NEMP2: variants seen among roughly 807,000 people sequenced by gnomAD.
NEMP2 encodes the protein nuclear envelope integral membrane protein 2, also known as UPF0571 transmembrane protein.
A neutral mutation model predicts 54.2 loss-of-function variants in NEMP2; 53 were observed. That is an observed-to-expected ratio of 0.98 (90% CI 0.78 to 1.23). NEMP2 has a LOEUF of 1.23. Ranked by LOEUF, NEMP2 falls within the 50% of genes most tolerant of loss-of-function variation. The probability of loss-of-function intolerance (pLI) is 0.00; values close to 1 mark genes in which losing one functional copy is unlikely to be tolerated. For missense variants in NEMP2, 455 were observed against 511.3 expected, an observed-to-expected ratio of 0.89 and a Z score of 1.06; for synonymous variants, 197 against 190.3, an observed-to-expected ratio of 1.04 and a Z score of -0.29.
the NEMP2 span, among the ~76,000 whole-genome samples, chr2:190,566,725 A>C: frequency 8.1e-6 from 1 of 123,210 alleles, no homozygotes; most frequent in South Asian, 2.3e-4. Context: ...AAAGAAAGAA[A>C]GAAGGAAAGA....
the NEMP2 span, among the ~76,000 whole-genome samples, chr2:190,450,847 T>A: frequency 6.6e-6 from 1 of 152,204 alleles, no homozygotes; most frequent in South Asian, 2.1e-4. Flanking sequence ...GCTCTGACAT[T>A]ATTGAAAAGA....
chr2:190,443,236 G>C, the NEMP2 span, among the ~76,000 whole-genome samples: 1 of 152,140 alleles, frequency 6.6e-6, no homozygotes, highest in Non-Finnish European at 1.5e-5. This position sits in a 1 kb window ranked among gnomAD's most constrained non-coding sequence, Gnocchi z 4.2. Context: ...TGGTGGTTAC[G>C]AGCAGAGGCT....
chr2:190,444,646 C>T, the NEMP2 span, among the ~76,000 whole-genome samples: 2 of 152,088 alleles, frequency 1.3e-5, no homozygotes, highest in Non-Finnish European at 2.9e-5. Context: ...AAAACCATGG[C>T]AAAGCACTAA....
the NEMP2 span, chr2:190,437,259 G>C: frequency 6.2e-7 from 1 of 1,614,202 alleles, no homozygotes; most frequent in East Asian, 2.2e-5. This position sits in a 1 kb window ranked among gnomAD's most constrained non-coding sequence, Gnocchi z 5.9. Context: ...AGATCCCGCA[G>C]GTGGAAAGGA....
At chr2:190,549,361 G>T in the NEMP2 span, among the ~76,000 whole-genome samples, 2 of 152,180 alleles carry the variant, frequency 1.3e-5, no homozygotes, top group East Asian at 3.8e-4. Flanking sequence ...CAAATTCCGT[G>T]ATTTCTTTTT....
the NEMP2 span, among the ~76,000 whole-genome samples, chr2:190,596,100 G>A: frequency 6.6e-6 from 1 of 152,078 alleles, no homozygotes; most frequent in African/African-American, 2.4e-5. The surrounding 1 kb of genome is among the most constrained non-coding windows in gnomAD (Gnocchi z 5.1). Context: ...TCTTTTGTAG[G>A]GACATGAATG....
At chr2:190,590,025 C>T in the NEMP2 span, among the ~76,000 whole-genome samples, 3 of 152,128 alleles carry the variant, frequency 2.0e-5, no homozygotes, top group Admixed American at 2.0e-4. The surrounding 1 kb of genome is among the most constrained non-coding windows in gnomAD (Gnocchi z 5.1). Context: ...CTGCCTGGGT[C>T]CATCACCATA....
chr2:190,638,115 G>A, the NEMP2 span, among the ~76,000 whole-genome samples: 1 of 152,180 alleles, frequency 6.6e-6, no homozygotes, highest in Non-Finnish European at 1.5e-5. This position sits in a 1 kb window ranked among gnomAD's most constrained non-coding sequence, Gnocchi z 5.7. Context: ...AGCCTACAGA[G>A]CAAGGAGTAA....
downstream of NEMP2, chr2:190,499,771 T>C: frequency 6.9e-7 from 1 of 1,454,272 alleles, no homozygotes; most frequent in Non-Finnish European, 9.2e-7. This position sits in a 1 kb window ranked among gnomAD's most constrained non-coding sequence, Gnocchi z 6.0. Context: ...GGTAGTAATG[T>C]TCCTTTTTCC....
chr2:190,630,228 G>A, the NEMP2 span, among the ~76,000 whole-genome samples: 2 of 152,118 alleles, frequency 1.3e-5, no homozygotes, highest in Non-Finnish European at 2.9e-5. The surrounding 1 kb of genome is among the most constrained non-coding windows in gnomAD (Gnocchi z 5.5). Context: ...CATCAGACAA[G>A]GGCAATTTTT....
chr2:190,590,054 C>T, the NEMP2 span, among the ~76,000 whole-genome samples: 16 of 152,174 alleles, frequency 1.1e-4, no homozygotes, highest in Non-Finnish European at 1.3e-4. The surrounding 1 kb of genome is among the most constrained non-coding windows in gnomAD (Gnocchi z 5.1). Context: ...GGAAACACAT[C>T]CATGGTCACA....
rs979555117 is a variant in NEMP2, at chr2:190,517,660, T to C, written c.519-47A>G. 9 of 1,372,452 alleles carry C rather than the reference T, an allele frequency of 6.6e-6. No homozygotes were observed. The African/African-American group carries it at 7.3e-5, about 11-fold the overall frequency. 85.0% of individuals were successfully genotyped at this position (1,372,452 alleles called of 1,614,324 possible). Reference sequence around the variant, plus strand: ...AGCTATTTAAATGCCAAAAAGCACTTTGAGTATGAAAAACATGTTTAACCT... The same window carrying C: ...AGCTATTTAAATGCCAAAAAGCACTCTGAGTATGAAAAACATGTTTAACCT... On this transcript the variant is annotated intron_variant, in intron 4 of 8. Coordinates refer to ENST00000409150, the MANE Select transcript of NEMP2 (RefSeq NM_001142645.2).
the NEMP2 span, among the ~76,000 whole-genome samples, chr2:190,571,801 TC>T: frequency 6.6e-6 from 1 of 152,074 alleles, no homozygotes; most frequent in Non-Finnish European, 1.5e-5. Context: ...CTCTTTTCCC[TC>T]CCCTTCTCCC....
the NEMP2 span, among the ~76,000 whole-genome samples, chr2:190,567,047 T>C: frequency 1.4e-4 from 22 of 152,122 alleles, no homozygotes; most frequent in Admixed American, 1.1e-3. This position sits in a 1 kb window ranked among gnomAD's most constrained non-coding sequence, Gnocchi z 4.0. Flanking sequence ...AGGGAAACTA[T>C]AGAAAATAGA....
the NEMP2 span, among the ~76,000 whole-genome samples, chr2:190,631,140 T>C: frequency 6.6e-6 from 1 of 152,218 alleles, no homozygotes. Flanking sequence ...TGTAAAGATA[T>C]GACCAACTTA....
the NEMP2 span, among the ~76,000 whole-genome samples, chr2:190,618,767 C>T: frequency 1.3e-5 from 2 of 152,258 alleles, no homozygotes; most frequent in East Asian, 3.9e-4. Flanking sequence ...TTAATAGGCA[C>T]AAGATCTCAC....
the NEMP2 span, among the ~76,000 whole-genome samples, chr2:190,485,897 C>T: frequency 6.6e-6 from 1 of 151,920 alleles, no homozygotes; most frequent in South Asian, 2.1e-4. This position sits in a 1 kb window ranked among gnomAD's most constrained non-coding sequence, Gnocchi z 5.1. Flanking sequence ...GTGAGGCATA[C>T]AATCTAATGT....
chr2:190,532,750 G>A (rs1301358597), intron 1 of NEMP2, among the ~76,000 whole-genome samples: 1 of 152,194 alleles, frequency 6.6e-6, no homozygotes, highest in African/African-American at 2.4e-5. Context: ...GGGTCCTCAA[G>A]AAACCATAGA....
At chr2:190,432,502 C>T in the NEMP2 span, among the ~76,000 whole-genome samples, 17 of 152,244 alleles carry the variant, frequency 1.1e-4, no homozygotes, top group Middle Eastern at 3.4e-3. Flanking sequence ...CTGCAACCTC[C>T]GGCTCCTGGG....
Sources: gnomAD v4.1 joint callset for allele counts (sites outside exome capture counted in the v4.1 genomes callset) on GRCh38, gnomAD v4.1.1 for gene constraint, Gnocchi (gnomAD v3.1) non-coding constraint, MANE v1.5 for transcripts, NCBI Gene and HGNC (gene_info 2026-07-23, HGNC 2026-07-21) for gene names.